Variants in CNGB3 observed in about 807,000 individuals in gnomAD.
The protein encoded by CNGB3 is cyclic nucleotide-gated channel beta-3.
Under a neutral mutation model 92.8 loss-of-function variants are expected in CNGB3, and 86 were observed. That is an observed-to-expected ratio of 0.93 (90% CI 0.78 to 1.11). The LOEUF (loss-of-function observed/expected upper bound fraction) is 1.11. CNGB3 is among the 50% of genes least tolerant of loss of function. The probability of loss-of-function intolerance (pLI) is 0.00; values close to 1 mark genes in which losing one functional copy is unlikely to be tolerated. For missense variants in CNGB3, 1,026 were observed against 956.8 expected (o/e 1.07, Z -0.95); for synonymous variants, 333 against 332.7 (o/e 1.00, Z -0.01).
chr8:86,731,384 C>G (rs1204621209), intron 2 of CNGB3, among the ~76,000 whole-genome samples: 1 of 152,126 alleles, frequency 6.6e-6, no homozygotes. Context: ...CTATAATGTC[C>G]TGAAGGGATC....
chr8:86,597,331 T>C (rs34785271), intron 15 of CNGB3, among the ~76,000 whole-genome samples: 14,494 of 152,188 alleles, frequency 0.095, 753 homozygotes, highest in Non-Finnish European at 0.11. Flanking sequence ...CCCTCCCGGT[T>C]CCTCTTTGGA....
intron 7 of CNGB3, among the ~76,000 whole-genome samples, chr8:86,652,005 T>C (rs1436516005): frequency 6.6e-6 from 1 of 151,902 alleles, no homozygotes; most frequent in Non-Finnish European, 1.5e-5. Flanking sequence ...GTAGGTGGTA[T>C]GGTATAGACA....
intron 3 of CNGB3, among the ~76,000 whole-genome samples, chr8:86,680,657 A>C (rs774340302): frequency 2.6e-5 from 4 of 152,190 alleles, no homozygotes; most frequent in Non-Finnish European, 4.4e-5. Context: ...AACAATCAAA[A>C]GGAATGGGGG....
chr8:86,630,880 A>G (rs1227204280), intron 11 of CNGB3, among the ~76,000 whole-genome samples: 1 of 152,154 alleles, frequency 6.6e-6, no homozygotes, highest in African/African-American at 2.4e-5. Context: ...CTCTTAATAA[A>G]AAAAGAGTGA....
chr8:86,595,889 A>G (rs890052798), intron 15 of CNGB3, among the ~76,000 whole-genome samples: 10 of 152,228 alleles, frequency 6.6e-5, no homozygotes, highest in Non-Finnish European at 1.0e-4. Flanking sequence ...TTTCACATTG[A>G]TATAAAGTAA....
chr8:86,659,076 A>G, intron 6 of CNGB3: 1 of 819,726 alleles, frequency 1.2e-6, no homozygotes, highest in Non-Finnish European at 2.0e-6. Flanking sequence ...TGGGGGCTCC[A>G]GGAGCAGGGG....
At chr8:86,588,828 G>T (rs1158733480) in intron 15 of CNGB3, among the ~76,000 whole-genome samples, 15 of 151,730 alleles carry the variant, frequency 9.9e-5, no homozygotes, top group African/African-American at 2.7e-4. Flanking sequence ...GCCCGGCTTT[G>T]GTATCAGAAT....
chr8:86,597,056 A>C (rs1446248362), intron 15 of CNGB3, among the ~76,000 whole-genome samples: 2 of 152,168 alleles, frequency 1.3e-5, no homozygotes, highest in Admixed American at 6.6e-5. Flanking sequence ...GGATAGCATT[A>C]GGAGAAATAC....
intron 17 of CNGB3, among the ~76,000 whole-genome samples, chr8:86,577,450 T>G (rs570835100): frequency 6.6e-6 from 1 of 152,342 alleles, no homozygotes; most frequent in African/African-American, 2.4e-5. Flanking sequence ...ATACAGTTGA[T>G]TTTTATTCAT....
At chr8:86,628,499 A>G (rs1822893518) in intron 12 of CNGB3, among the ~76,000 whole-genome samples, 1 of 152,212 alleles carries the variant, frequency 6.6e-6, no homozygotes, top group Non-Finnish European at 1.5e-5. Context: ...AGTAAGAGCA[A>G]GAGTTTGGAA....
chr8:86,642,278 T>C (rs558094279), intron 10 of CNGB3, among the ~76,000 whole-genome samples: 1 of 151,932 alleles, frequency 6.6e-6, no homozygotes, highest in Non-Finnish European at 1.5e-5. Context: ...GGATTACATA[T>C]TCACTTTGAG....
rs975080827 is a variant in CNGB3, at chr8:86,574,933, T to C, written c.*871A>G. 1 of 152,210 alleles carries C rather than the reference T, an allele frequency of 6.6e-6. No individual in the cohort carries two copies. The highest frequency in any genetic ancestry group is 1.5e-5 in the Non-Finnish European group (1 of 68,036). The allele number at this position is 152,210 out of a possible 1,614,324, so 9.4% of individuals were successfully genotyped here. On this transcript the variant is annotated 3_prime_UTR_variant, in exon 18 of 18. Coordinates refer to ENST00000320005, the MANE Select transcript of CNGB3 (RefSeq NM_019098.5). ...CCTTCCTAACCTCATCACTTTGTTT[T>C]ACTAAAGCTTAATTTTAAACAAGAA...
intron 15 of CNGB3, among the ~76,000 whole-genome samples, chr8:86,586,307 A>G (rs1000191006): frequency 4.0e-5 from 6 of 149,342 alleles, no homozygotes; most frequent in African/African-American, 1.5e-4. Context: ...ATATTGTAAT[A>G]GTAACATTAA....
rs370507811 is a variant in CNGB3, at chr8:86,683,967, G to A, written c.339-12869C>T. 1.2e-4 allele frequency among the ~76,000 whole-genome samples: 18 copies of A among 152,194 alleles called. 1 individual carries two copies. The highest frequency in any genetic ancestry group is 5.9e-4 in the Admixed American group (9 of 15,278). On this transcript the variant is annotated intron_variant, in intron 3 of 17. Coordinates refer to ENST00000320005, the MANE Select transcript of CNGB3 (RefSeq NM_019098.5). ...GACACTAAAAATACAGTCCATGAAA[G>A]CAAAAATCAATCAGATTGCACTTGA...
chr8:86,688,483 C>G (rs948921328), intron 3 of CNGB3, among the ~76,000 whole-genome samples: 10 of 152,032 alleles, frequency 6.6e-5, no homozygotes, highest in Non-Finnish European at 1.5e-4. Context: ...TGTCAGAGTT[C>G]CTTTCAAGAC....
At chr8:86,627,180 G>A (rs1002358780) in intron 12 of CNGB3, among the ~76,000 whole-genome samples, 1 of 151,976 alleles carries the variant, frequency 6.6e-6, no homozygotes, top group Non-Finnish European at 1.5e-5. Flanking sequence ...TTCAAATATA[G>A]ATTCTAAATA....
chr8:86,659,018 G>A (rs1234671563), intron 6 of CNGB3: 2 of 1,018,504 alleles, frequency 2.0e-6, no homozygotes, highest in East Asian at 2.5e-5. Flanking sequence ...CCTTCCGCAG[G>A]TGCTCGGCCT....
chr8:86,660,171 C>T, intron 6 of CNGB3: 1 of 299,764 alleles, frequency 3.3e-6, no homozygotes, highest in South Asian at 3.9e-5. Flanking sequence ...AGGATTGCTG[C>T]CATTTTTCAT....
At chr8:86,588,033 C>T (rs1821934487) in intron 15 of CNGB3, among the ~76,000 whole-genome samples, 1 of 141,732 alleles carries the variant, frequency 7.1e-6, no homozygotes. Context: ...GTTTGTAGTT[C>T]TCCTTGAAGA....
Sources: gnomAD v4.1 joint callset for allele counts (sites outside exome capture counted in the v4.1 genomes callset) on GRCh38, gnomAD v4.1.1 for gene constraint, MANE v1.5 for transcripts, NCBI Gene and HGNC (gene_info 2026-07-23, HGNC 2026-07-21) for gene names.